Variants in RFX7 observed in about 807,000 individuals in gnomAD.
RFX7 encodes DNA-binding protein RFX7.
RFX7 carries 26 observed loss-of-function variants against 111.8 expected under a neutral mutation model. That is an observed-to-expected ratio of 0.23 (90% CI 0.17 to 0.32). The LOEUF (loss-of-function observed/expected upper bound fraction) is 0.32. Ranked by LOEUF, RFX7 falls within the 10% of genes least tolerant of loss-of-function variation. The pLI is 1.00. For missense variants in RFX7, 1,573 were observed against 1,772.9 expected, an observed-to-expected ratio of 0.89 and a Z score of 2.02; for synonymous variants, 624 against 624.4, an observed-to-expected ratio of 1.00 and a Z score of 0.01.
At chr15:56,155,798 C>T (rs572811997) in intron 3 of RFX7, among the ~76,000 whole-genome samples, 1 of 150,946 alleles carries the variant, frequency 6.6e-6, no homozygotes, top group South Asian at 2.1e-4. Flanking sequence ...AAAGTCTCCT[C>T]CCCATAATAA....
chr15:56,172,096 G>A (rs762188504), intron 3 of RFX7, among the ~76,000 whole-genome samples: 1 of 152,138 alleles, frequency 6.6e-6, no homozygotes, highest in African/African-American at 2.4e-5. Flanking sequence ...AGGGGGTAGT[G>A]TGTGTATGGA....
chr15:56,243,382 AG>A (rs1227162433), intron 1 of RFX7, 62 bp downstream of exon 1: 1 of 319,552 alleles, frequency 3.1e-6, no homozygotes, highest in Admixed American at 2.1e-4. Context: ...GGAGAGGAGG[AG>A]GGGGAGGGGG....
At position 56,155,985 on chromosome 15, in the gene RFX7, T is replaced by TA. The variant is rs569107196; in HGVS notation, c.196-11503dup. Among the ~76,000 whole-genome samples, 506 of 152,138 alleles carry TA rather than the reference T, an allele frequency of 3.3e-3. 11 individuals carry two copies. The highest frequency in any genetic ancestry group is 0.012 in the African/African-American group (494 of 41,426). Reference sequence around the variant, plus strand: ...CTCTCTTCCAGTTAACTTTTACTTTTAAAAAAATCCAAAAACTGGTTAAAA... The same window carrying TA: ...CTCTCTTCCAGTTAACTTTTACTTTTAAAAAAAATCCAAAAACTGGTTAAAA... On this transcript the variant is annotated intron_variant, in intron 3 of 9. Coordinates refer to ENST00000559447, the MANE Select transcript of RFX7 (RefSeq NM_022841.7).
chr15:56,183,598 C>T (rs1052315941), intron 2 of RFX7, among the ~76,000 whole-genome samples: 2 of 152,174 alleles, frequency 1.3e-5, no homozygotes, highest in Non-Finnish European at 2.9e-5. Context: ...GTTAACACCA[C>T]ACTTCAAATT....
In RFX7 at chr15:56,243,233, T is replaced by C. The variant is rs1316405168; in HGVS notation, c.53A>G (p.Gln18Arg). ...CGAGTTGGGGGCGCTGGGGGGAAGC[T>C]GCTGATGGGCATCAGGCTGCTGTGG... ...PPPQQPDAHQ[Q>R]LPPSAPNSGV... is the part of the protein sequence containing the mutation. The change falls in exon 2 of 10, where the codon CAG becomes CGG. Residue 18 changes from glutamine to arginine, a missense_variant. Physicochemically the swap from Gln to Arg is conservative, Grantham distance 43. Transcript: ENST00000559447. The C allele has an allele frequency of 7.6e-7, 1 of 1,312,884 alleles. No individual in the cohort carries two copies. Among genetic ancestry groups the C allele is most frequent in the Non-Finnish European group, 1.0e-6 (1 of 997,162 alleles). 81.3% of individuals were successfully genotyped at this position (1,312,884 alleles called of 1,614,324 possible).
intron 5 of RFX7, among the ~76,000 whole-genome samples, chr15:56,123,938 C>T (rs146852071): frequency 1.3e-5 from 2 of 152,314 alleles, no homozygotes; most frequent in East Asian, 3.9e-4. Flanking sequence ...GTGGTGTCAG[C>T]AATTCAAGAC....
chr15:56,094,781 T>G lies in RFX7; in HGVS notation c.2947A>C (p.Arg983=), dbSNP rs200225440. The change falls in exon 10 of 10, where the codon AGG becomes CGG. Residue 983 remains arginine (R), a synonymous_variant. Coordinates refer to ENST00000559447, the MANE Select transcript of RFX7 (RefSeq NM_022841.7). ...TCCACAGGTGTAGTCTGGGCTAGCC[T>G]GGAGCAAGGGCTCTCCCGTGACAGA... The part of the protein sequence containing the change: ...QSLSRESPCS[R]LAQTTPVDSA... The G allele has an allele frequency of 2.1e-4, 340 of 1,608,744 alleles. No individual in the cohort carries two copies. Among genetic ancestry groups the G allele is most frequent in the Non-Finnish European group, 2.1e-4 (245 of 1,177,126 alleles).
At chr15:56,223,902 T>C (rs1229591151) in intron 2 of RFX7, among the ~76,000 whole-genome samples, 1 of 152,134 alleles carries the variant, frequency 6.6e-6, no homozygotes, top group Non-Finnish European at 1.5e-5. Flanking sequence ...AAGATAAAAC[T>C]AGTTTTTTTT....
rs1333908578 is a variant in RFX7, at chr15:56,138,976, G to A, written c.401+3802C>T. Among the ~76,000 whole-genome samples, 53 of 152,108 alleles carry A rather than the reference G, an allele frequency of 3.5e-4. 2 individuals carry two copies. Among genetic ancestry groups the A allele is most frequent in the Middle Eastern group, 3.4e-3 (1 of 294 alleles). On this transcript the variant is annotated intron_variant, in intron 5 of 9. Transcript: ENST00000559447. ...TCTTCTGGCTTGTAGGGTTTCTGCC[G>A]AGAGATCCGCTGTTAGTCTGATGGG...
chr15:56,230,440 C>T (rs1337737116), intron 2 of RFX7, among the ~76,000 whole-genome samples: 1 of 152,168 alleles, frequency 6.6e-6, no homozygotes, highest in African/African-American at 2.4e-5. Context: ...CTGTTAAGTC[C>T]TTTATTCTGT....
chr15:56,197,308 G>A (rs1430127362), intron 2 of RFX7, among the ~76,000 whole-genome samples: 1 of 151,890 alleles, frequency 6.6e-6, no homozygotes, highest in African/African-American at 2.4e-5. Context: ...GCCATCAGCG[G>A]CATGTTGCTT....
Position 56,094,158 on chromosome 15 carries a change from T to C in RFX7, c.3570A>G (p.Arg1190=), listed in dbSNP as rs747438438. 58 of 1,613,768 alleles carry C rather than the reference T, an allele frequency of 3.6e-5. No homozygotes were observed. The highest frequency in any genetic ancestry group is 4.3e-5 in the Non-Finnish European group (51 of 1,179,876). The change falls in exon 10 of 10, where the codon CGA becomes CGG. Residue 1190 remains arginine, a synonymous_variant. Transcript: ENST00000559447. The part of the protein sequence containing the change: ...STLYPVSNIP[R]SNVTPFGSPV... The stretch of plus-strand genomic sequence containing the variant: ...GACTTCCAAAGGGGGTCACATTAGA[T>C]CGTGGGATATTAGATACTGGATAGA...
chr15:56,144,543 CAAA>C, intron 3 of RFX7, 60 bp from the exon 4 acceptor site: 1 of 859,170 alleles, frequency 1.2e-6, no homozygotes, highest in South Asian at 1.4e-5. Context: ...TTTCCCCAAA[CAAA>C]ATTTACTAAC....
intron 2 of RFX7, among the ~76,000 whole-genome samples, chr15:56,226,103 A>C (rs944191137): frequency 6.6e-6 from 1 of 152,158 alleles, no homozygotes; most frequent in Non-Finnish European, 1.5e-5. Context: ...GAGACAAAAT[A>C]GGAGGTTCTG....
chr15:56,200,575 C>T (rs1338557750), intron 2 of RFX7, among the ~76,000 whole-genome samples: 7 of 151,864 alleles, frequency 4.6e-5, no homozygotes, highest in African/African-American at 1.7e-4. Flanking sequence ...CCGAGGTGGG[C>T]GGATCACGAG....
intron 3 of RFX7, among the ~76,000 whole-genome samples, chr15:56,150,752 G>A (rs1294944727): frequency 6.6e-6 from 1 of 151,972 alleles, no homozygotes; most frequent in African/African-American, 2.4e-5. Flanking sequence ...CAGAAGGTGG[G>A]TAATAACGAA....
chr15:56,133,113 T>A (rs2042240868), intron 5 of RFX7, among the ~76,000 whole-genome samples: 1 of 152,152 alleles, frequency 6.6e-6, no homozygotes, highest in African/African-American at 2.4e-5. Context: ...TCATGATGAA[T>A]ATACATTTTA....
Position 56,096,265 on chromosome 15 carries a change from G to A in RFX7, c.1463C>T (p.Pro488Leu). 6.2e-7 allele frequency: 1 copy of A among 1,613,958 alleles called. No homozygotes were observed. Among genetic ancestry groups the A allele is most frequent in the East Asian group, 2.2e-5 (1 of 44,888 alleles). ...GCTGACTGAGGCAGAATGTTTAAGAGGGGTGTTACTGTTGCTGGGTGTGAG... is the reference window on the plus strand; with the variant it reads ...GCTGACTGAGGCAGAATGTTTAAGAAGGGTGTTACTGTTGCTGGGTGTGAG... The part of the protein sequence containing the change: ...ISLTPSNSNT[P>L]LKHSASVSSA... Residue 488 changes from proline (P) to leucine (L), a missense_variant, in exon 10 of 10, where the codon CCT becomes CTT. Pro to Leu is a moderately conservative substitution (Grantham distance 98). Coordinates refer to ENST00000559447, the MANE Select transcript of RFX7 (RefSeq NM_022841.7).
At chr15:56,189,038 T>G (rs533999973) in intron 2 of RFX7, among the ~76,000 whole-genome samples, 11 of 152,226 alleles carry the variant, frequency 7.2e-5, no homozygotes, top group Non-Finnish European at 1.3e-4. Flanking sequence ...ATGCTGGTCT[T>G]GAACTCCTGA....
Sources: gnomAD v4.1 joint callset for allele counts (sites outside exome capture counted in the v4.1 genomes callset) on GRCh38, gnomAD v4.1.1 for gene constraint, MANE v1.5 for transcripts, NCBI Gene and HGNC (gene_info 2026-07-23, HGNC 2026-07-21) for gene names.